Variants in HDAC9 observed in about 807,000 individuals in gnomAD.
The protein encoded by HDAC9 is MEF-2 interacting transcription repressor (MITR) protein.
HDAC9 carries 41 observed loss-of-function variants against 139.4 expected under a neutral mutation model. The ratio of observed to expected loss-of-function variants is 0.29; its 90% CI spans 0.23 to 0.38. The LOEUF (loss-of-function observed/expected upper bound fraction) is 0.38, where lower values mean the gene tolerates loss of function less well. Among genes scored for constraint, HDAC9 ranks in the 10% least tolerant of loss-of-function variants. The pLI, the probability that HDAC9 is intolerant of heterozygous loss-of-function variation, is 1.00. For synonymous variants in HDAC9, 517 were observed against 476.2 expected (o/e 1.09, Z -1.12); for missense variants, 1,147 against 1,297.0 (o/e 0.88, Z 1.78).
At chr7:18,954,888 T>TTAA (rs1783042377) in intron 24 of HDAC9, among the ~76,000 whole-genome samples, 1 of 152,120 alleles carries the variant, frequency 6.6e-6, no homozygotes, top group Non-Finnish European at 1.5e-5. Flanking sequence ...TAAGTGCCAC[T>TTAA]TAAGAAGCCA....
intron 1 of HDAC9, among the ~76,000 whole-genome samples, chr7:18,105,114 A>AG (rs1443039400): frequency 5.8e-5 from 8 of 138,908 alleles, no homozygotes; most frequent in South Asian, 4.9e-4. Context: ...ATCTACATCT[A>AG]GATGCTTTCT....
intron 7 of HDAC9, among the ~76,000 whole-genome samples, chr7:18,630,332 A>G (rs549319953): frequency 6.6e-6 from 1 of 151,998 alleles, no homozygotes; most frequent in Non-Finnish European, 1.5e-5. Flanking sequence ...GCTTATACCA[A>G]TGTGGGCAGT....
intron 2 of HDAC9, among the ~76,000 whole-genome samples, chr7:18,274,745 G>T (rs992270752): frequency 2.0e-5 from 3 of 152,142 alleles, no homozygotes; most frequent in Non-Finnish European, 4.4e-5. Context: ...AATATGTTTA[G>T]GAAAAATAAG....
At chr7:18,226,421 A>G (rs113604821) in intron 2 of HDAC9, among the ~76,000 whole-genome samples, 3,725 of 152,208 alleles carry the variant, frequency 0.024, 157 homozygotes, top group African/African-American at 0.084. Flanking sequence ...CCCAGGAAAA[A>G]AAAAAGGGAT....
chr7:18,614,079 T>G (rs1211588759), intron 6 of HDAC9, among the ~76,000 whole-genome samples: 1 of 152,128 alleles, frequency 6.6e-6, no homozygotes, highest in Non-Finnish European at 1.5e-5. Context: ...TTCTAACCAG[T>G]AGTCGTTTCT....
intron 1 of HDAC9, among the ~76,000 whole-genome samples, chr7:18,376,929 A>T (rs1211937020): frequency 1.3e-5 from 2 of 152,130 alleles, no homozygotes; most frequent in Non-Finnish European, 2.9e-5. Context: ...TTATTTTATT[A>T]TGGCAACCTA....
chr7:18,152,681 C>A (rs754094771), intron 1 of HDAC9, among the ~76,000 whole-genome samples: 1 of 152,162 alleles, frequency 6.6e-6, no homozygotes, highest in Non-Finnish European at 1.5e-5. Flanking sequence ...TCCCCCAGCT[C>A]TGAACATTCA....
chr7:18,459,959 T>TTC (rs1234157871), intron 1 of HDAC9, among the ~76,000 whole-genome samples: 3 of 151,880 alleles, frequency 2.0e-5, no homozygotes, highest in African/African-American at 7.3e-5. Flanking sequence ...TTTTTTTTTT[T>TTC]TCGAGACAGA....
At chr7:18,602,369 G>A (rs576413428) in intron 6 of HDAC9, among the ~76,000 whole-genome samples, 26 of 151,640 alleles carry the variant, frequency 1.7e-4, no homozygotes, top group Admixed American at 2.0e-4. Flanking sequence ...CAGCCTGACT[G>A]TAGTTTCATC....
At chr7:18,523,909 C>T (rs973210618) in intron 2 of HDAC9, among the ~76,000 whole-genome samples, 30 of 151,122 alleles carry the variant, frequency 2.0e-4, no homozygotes, top group African/African-American at 5.6e-4. Context: ...TCCCCCTCCC[C>T]GCTCCGCCCT....
intron 16 of HDAC9, among the ~76,000 whole-genome samples, chr7:18,789,086 T>C (rs7801849): frequency 0.7 from 107,030 of 152,002 alleles, 39,698 homozygotes; most frequent in Non-Finnish European, 0.83. Flanking sequence ...GACCGTGATC[T>C]GAGACAACCA....
intron 21 of HDAC9, among the ~76,000 whole-genome samples, chr7:18,874,191 C>A (rs752178352): frequency 6.7e-6 from 1 of 150,062 alleles, no homozygotes; most frequent in Non-Finnish European, 1.5e-5. Flanking sequence ...CAGCCACAGA[C>A]GTATGTGTAA....
Position 18,993,441 on chromosome 7 carries a change from T to C in HDAC9, c.3171-2582T>C, listed in dbSNP as rs139563627. ...ACAGCTGGGACTTGAACCCAGAACATCTACCTTGAAATCCAGGATATTTTC... is the reference window on the plus strand; with the variant it reads ...ACAGCTGGGACTTGAACCCAGAACACCTACCTTGAAATCCAGGATATTTTC... On this transcript the variant is annotated intron_variant, in intron 25 of 25. Coordinates refer to ENST00000686413, the MANE Select transcript of HDAC9 (RefSeq NM_178425.4). Among the ~76,000 whole-genome samples the C allele has an allele frequency of 9.2e-4, 140 of 152,290 alleles. 1 individual carries two copies. The highest frequency in any genetic ancestry group is 3.4e-3 in the Middle Eastern group (1 of 294).
rs982599887 is a variant in HDAC9, at chr7:18,453,624, C to G, written c.-41-42638C>G. On this transcript the variant is annotated intron_variant, in intron 1 of 3. Transcript: ENST00000413509. ...TTGCTAATCCTTGTCTAAAGCTTCC[C>G]TTAACTATTTAGTTTAGCTAGTTCA... Among the ~76,000 whole-genome samples the G allele has an allele frequency of 3.3e-5, 5 of 152,122 alleles. No individual in the cohort carries two copies. The East Asian group carries it at 7.7e-4, about 23-fold the overall frequency.
intron 2 of HDAC9, among the ~76,000 whole-genome samples, chr7:18,535,117 A>T (rs1015719638): frequency 6.6e-6 from 1 of 151,836 alleles, no homozygotes; most frequent in African/African-American, 2.4e-5. Context: ...TATCCAACTC[A>T]CTTTCCATCT....
intron 1 of HDAC9, among the ~76,000 whole-genome samples, chr7:18,363,555 G>T (rs1442981335): frequency 6.6e-6 from 1 of 152,098 alleles, no homozygotes; most frequent in East Asian, 1.9e-4. Context: ...TAAATCAGTG[G>T]CATCTAAGTT....
At chr7:18,881,808 A>G (rs2129256360) in intron 22 of HDAC9, among the ~76,000 whole-genome samples, 1 of 152,228 alleles carries the variant, frequency 6.6e-6, no homozygotes, top group East Asian at 1.9e-4. Context: ...CAGGGACTCA[A>G]TGCCTTGTCT....
intron 21 of HDAC9, among the ~76,000 whole-genome samples, chr7:18,865,885 A>C (rs1454357211): frequency 6.6e-6 from 1 of 151,970 alleles, no homozygotes; most frequent in African/African-American, 2.4e-5. Context: ...AATGACATAC[A>C]ATTAGACTAT....
intron 2 of HDAC9, among the ~76,000 whole-genome samples, chr7:18,233,645 T>G (rs1268735529): frequency 6.6e-6 from 1 of 152,156 alleles, no homozygotes; most frequent in East Asian, 1.9e-4. Flanking sequence ...TAAAATTGCT[T>G]TGGCAAAAGG....
Sources: gnomAD v4.1 joint callset for allele counts (sites outside exome capture counted in the v4.1 genomes callset) on GRCh38, gnomAD v4.1.1 for gene constraint, MANE v1.5 for transcripts, NCBI Gene and HGNC (gene_info 2026-07-23, HGNC 2026-07-21) for gene names.